The following PXDC1 variants were observed in gnomAD, a reference collection of about 807,000 sequenced individuals.
PXDC1 encodes PX domain containing 1.
In PXDC1, 13 loss-of-function variants were observed where a neutral mutation model predicts 24.4. That is an observed-to-expected ratio of 0.53 (90% CI 0.35 to 0.85). The LOEUF (loss-of-function observed/expected upper bound fraction) is 0.85. Ranked by LOEUF, PXDC1 falls within the 40% of genes least tolerant of loss-of-function variation. The pLI is 0.01. For synonymous variants in PXDC1, 162 were observed against 124.9 expected (o/e 1.30, Z -1.98); for missense variants, 344 against 309.3 (o/e 1.11, Z -0.84).
intron 3 of PXDC1, among the ~76,000 whole-genome samples, chr6:3,727,984 T>A (rs559039566): frequency 6.6e-6 from 1 of 152,222 alleles, no homozygotes; most frequent in South Asian, 2.1e-4. Flanking sequence ...TGGGCTCAAA[T>A]CTGTGAGTCT....
At chr6:3,738,475 C>T (rs1760378650) in intron 1 of PXDC1, among the ~76,000 whole-genome samples, 1 of 152,154 alleles carries the variant, frequency 6.6e-6, no homozygotes. Flanking sequence ...AGAGCTCAGC[C>T]CAGGGCGAAT....
At position 3,723,601 on chromosome 6, in the gene PXDC1, G is replaced by A. The variant is rs1362165137; in HGVS notation, c.*18C>T. On this transcript the variant is annotated 3_prime_UTR_variant, in exon 5 of 5. Coordinates refer to ENST00000380283, the MANE Select transcript of PXDC1 (RefSeq NM_183373.4). ...CTGGCAGTGAACAGCTGAGGCGGGG[G>A]AGGCCTGATAGAGAGGTTCAGTCCC... 1.3e-6 allele frequency: 2 copies of A among 1,569,996 alleles called. No individual in the cohort carries two copies. The highest frequency in any genetic ancestry group is 1.1e-5 in the South Asian group (1 of 90,184).
At chr6:3,738,264 C>T (rs768229836) in intron 1 of PXDC1, 116 bp from the exon 2 acceptor site, 107 of 773,252 alleles carry the variant, frequency 1.4e-4, no homozygotes, top group Non-Finnish European at 1.1e-4. Flanking sequence ...AATGAGATGT[C>T]GGGAACATTC....
chr6:3,739,247 C>T, intron 1 of PXDC1: 2 of 610,086 alleles, frequency 3.3e-6, no homozygotes, highest in Non-Finnish European at 4.3e-6. Context: ...AAACTCCCAC[C>T]AGGGCTCCCC....
At chr6:3,739,269 A>C in intron 1 of PXDC1, 1 of 437,318 alleles carries the variant, frequency 2.3e-6, no homozygotes, top group Non-Finnish European at 3.2e-6. Context: ...GACATAGGTC[A>C]AAGGCACTTC....
chr6:3,747,864 C>G (rs921515566), intron 1 of PXDC1, among the ~76,000 whole-genome samples: 1 of 151,334 alleles, frequency 6.6e-6, no homozygotes, highest in African/African-American at 2.4e-5. Context: ...GCCACCATCA[C>G]CTACACATGT....
intron 3 of PXDC1, among the ~76,000 whole-genome samples, chr6:3,733,207 C>G (rs226970): frequency 0.81 from 123,008 of 152,066 alleles, 50,049 homozygotes; most frequent in African/African-American, 0.89. Flanking sequence ...GAAAGGGGGA[C>G]GCATGAGAGA....
intron 3 of PXDC1, among the ~76,000 whole-genome samples, chr6:3,733,429 A>G (rs1240935197): frequency 6.6e-6 from 1 of 152,216 alleles, no homozygotes; most frequent in Non-Finnish European, 1.5e-5. Flanking sequence ...GGTATCTGCC[A>G]TGGTGTGCGT....
In PXDC1 at chr6:3,725,641, G is replaced by A. The variant is rs879627924; in HGVS notation, c.579-1905C>T. On this transcript the variant is annotated intron_variant, in intron 4 of 4. Transcript: ENST00000380283. This position sits in a 1 kb window ranked among gnomAD's most constrained non-coding sequence, Gnocchi z 4.8. ...CTCGGGTGCCAGGGAGGACAGCCAC[G>A]CAGGGAGGTGAAGCCTCCAGTTCCA... 6.6e-5 allele frequency among the ~76,000 whole-genome samples: 10 copies of A among 152,196 alleles called. No individual in the cohort carries two copies. Among genetic ancestry groups the A allele is most frequent in the Admixed American group, 1.3e-4 (2 of 15,288 alleles).
intron 3 of PXDC1, among the ~76,000 whole-genome samples, chr6:3,731,018 T>C (rs906384781): frequency 5.3e-5 from 8 of 152,228 alleles, no homozygotes; most frequent in African/African-American, 1.9e-4. Flanking sequence ...ATGATGTATG[T>C]AAAGAATCTA....
intron 1 of PXDC1, among the ~76,000 whole-genome samples, chr6:3,741,248 A>T (rs973668699): frequency 7.9e-5 from 12 of 152,240 alleles, no homozygotes; most frequent in African/African-American, 2.9e-4. Context: ...AAATGTGCAG[A>T]ACCACATTGC....
intron 3 of PXDC1, among the ~76,000 whole-genome samples, chr6:3,732,396 A>G (rs185391197): frequency 1.0e-3 from 158 of 152,340 alleles, no homozygotes; most frequent in African/African-American, 3.7e-3. Context: ...TAAGGTTGAG[A>G]TTGGCCAGAA....
At chr6:3,750,645 C>A (rs1045790476) in intron 1 of PXDC1, among the ~76,000 whole-genome samples, 4 of 152,198 alleles carry the variant, frequency 2.6e-5, no homozygotes, top group Non-Finnish European at 5.9e-5. Flanking sequence ...GGGGAGGAGG[C>A]GGCGCAGCTG....
chr6:3,742,397 T>C (rs1340374027), intron 1 of PXDC1, among the ~76,000 whole-genome samples: 1 of 152,224 alleles, frequency 6.6e-6, no homozygotes, highest in African/African-American at 2.4e-5. Context: ...ATATTCCAAA[T>C]ATTGTTGATG....
In PXDC1 at chr6:3,727,640, A is replaced by G; in HGVS notation, c.489T>C (p.Phe163=). Residue 163 remains phenylalanine, a synonymous_variant, in exon 4 of 5, where the codon TTT becomes TTC. Coordinates refer to ENST00000380283, the MANE Select transcript of PXDC1 (RefSeq NM_183373.4). ...KISEIMRSNG[F]CLANTETIVI... is the part of the protein sequence containing the mutation. ...CTATTGTTTCGGTATTTGCTAAACA[A>G]AATCCATTGGACCTCATGATTTCTG... 6.2e-7 allele frequency: 1 copy of G among 1,613,620 alleles called. No individual in the cohort carries two copies.
At chr6:3,729,581 G>GC (rs1760150541) in intron 3 of PXDC1, among the ~76,000 whole-genome samples, 1 of 152,194 alleles carries the variant, frequency 6.6e-6, no homozygotes, top group Non-Finnish European at 1.5e-5. Context: ...GGTGTAAAAG[G>GC]GGCGAAAGAA....
intron 4 of PXDC1, among the ~76,000 whole-genome samples, chr6:3,726,392 C>T (rs1297646740): frequency 2.6e-5 from 4 of 152,256 alleles, no homozygotes; most frequent in African/African-American, 9.6e-5. Context: ...CAAGGCAGGT[C>T]AGGAAAGCTG....
At chr6:3,744,586 C>CG (rs1561739222) in intron 1 of PXDC1, among the ~76,000 whole-genome samples, 1 of 152,186 alleles carries the variant, frequency 6.6e-6, no homozygotes, top group African/African-American at 2.4e-5. Flanking sequence ...AAAGGACAAG[C>CG]GTGGTCTCAC....
At chr6:3,751,096 CG>C in intron 1 of PXDC1, 179 bp downstream of exon 1, 1 of 521,992 alleles carries the variant, frequency 1.9e-6, no homozygotes, top group Non-Finnish European at 3.2e-6. Flanking sequence ...GCTGGCTCCC[CG>C]TCCCCCTAAC....
Sources: allele counts gnomAD v4.1 joint callset (sites outside exome capture counted in the v4.1 genomes callset), GRCh38; gene constraint gnomAD v4.1.1; non-coding constraint Gnocchi (gnomAD v3.1); transcripts MANE v1.5; gene names NCBI Gene and HGNC (gene_info 2026-07-23, HGNC 2026-07-21).